The following SPG11 variants were observed in gnomAD, a reference collection of about 807,000 sequenced individuals.
The protein encoded by SPG11 is SPG11 vesicle trafficking associated, spatacsin, also known as spatacsin.
A neutral mutation model predicts 274.0 loss-of-function variants in SPG11; 222 were observed. The observed-to-expected ratio is 0.81, with a 90% confidence interval of 0.73 to 0.91. The LOEUF is 0.91. Among genes scored for constraint, SPG11 ranks in the 40% least tolerant of loss-of-function variants. SPG11 has a pLI of 0.00. For synonymous variants in SPG11, 1,144 were observed against 1,039.7 expected (o/e 1.10, Z -1.93); for missense variants, 3,114 against 2,872.7 (o/e 1.08, Z -1.92).
At chr15:44,602,556 G>C (rs1416766858) in intron 20 of SPG11, among the ~76,000 whole-genome samples, 3 of 151,032 alleles carry the variant, frequency 2.0e-5, no homozygotes, top group African/African-American at 7.3e-5. Context: ...TTGGCTCACT[G>C]CAAGTTCCGC....
chr15:44,662,737 A>G (rs1282083023), intron 1 of SPG11, among the ~76,000 whole-genome samples: 1 of 152,030 alleles, frequency 6.6e-6, no homozygotes, highest in Non-Finnish European at 1.5e-5. Context: ...ACTCTTAAGT[A>G]CTGAACCAAG....
At chr15:44,627,224 C>T (rs1384717568) in intron 10 of SPG11, among the ~76,000 whole-genome samples, 1 of 152,148 alleles carries the variant, frequency 6.6e-6, no homozygotes, top group Non-Finnish European at 1.5e-5. Context: ...GATATTGAGG[C>T]ATTAGAAGGC....
chr15:44,582,126 T>C (rs948290154), intron 30 of SPG11, among the ~76,000 whole-genome samples: 1 of 152,216 alleles, frequency 6.6e-6, no homozygotes, highest in Non-Finnish European at 1.5e-5. Context: ...ATAGTTTTAC[T>C]GGTAAATTCT....
At chr15:44,567,150 G>C (rs1225687853) in intron 36 of SPG11, among the ~76,000 whole-genome samples, 1 of 152,020 alleles carries the variant, frequency 6.6e-6, no homozygotes, top group African/African-American at 2.4e-5. Context: ...AGGAGTTCAA[G>C]ACCAGCCTGG....
intron 11 of SPG11, among the ~76,000 whole-genome samples, chr15:44,623,551 G>A (rs1227938437): frequency 6.6e-6 from 1 of 151,906 alleles, no homozygotes; most frequent in African/African-American, 2.4e-5. Context: ...CTTCTCATAT[G>A]AAGTAAAACC....
At chr15:44,634,576 G>A (rs890582464) in intron 7 of SPG11, among the ~76,000 whole-genome samples, 4 of 149,868 alleles carry the variant, frequency 2.7e-5, no homozygotes, top group Non-Finnish European at 5.9e-5. Context: ...GAGCCACTGC[G>A]CCCAGCCAGA....
In SPG11 at chr15:44,629,391, G is replaced by A. The variant is rs1260663536; in HGVS notation, c.1736-3C>T. On this transcript the variant is annotated splice_region_variant and splice_polypyrimidine_tract_variant and intron_variant, in intron 8 of 39. Coordinates refer to ENST00000261866, the MANE Select transcript of SPG11 (RefSeq NM_025137.4). ...TGCTGGTATCAGCTCTTCCACATCT[G>A]AGAAAGAACCAAAGAAATTAACATA... The A allele has an allele frequency of 1.9e-6, 3 of 1,613,828 alleles. No individual in the cohort carries two copies. The highest frequency in any genetic ancestry group is 2.5e-6 in the Non-Finnish European group (3 of 1,179,936).
chr15:44,661,057 C>T (rs1945099894), intron 1 of SPG11, among the ~76,000 whole-genome samples: 1 of 152,110 alleles, frequency 6.6e-6, no homozygotes, highest in African/African-American at 2.4e-5. Flanking sequence ...TATAGACTGA[C>T]GATTCCAAAT....
At chr15:44,638,444 G>C (rs2084342726) in intron 7 of SPG11, among the ~76,000 whole-genome samples, 1 of 150,796 alleles carries the variant, frequency 6.6e-6, no homozygotes, top group Non-Finnish European at 1.5e-5. Context: ...CTGGGCGACA[G>C]AGCAAGACTC....
intron 28 of SPG11, among the ~76,000 whole-genome samples, 171 bp from the exon 29 acceptor site, chr15:44,586,021 G>A (rs1171409098): frequency 8.6e-6 from 1 of 116,084 alleles, no homozygotes; most frequent in African/African-American, 3.5e-5. Context: ...GAGTCTCACT[G>A]TCACCTAGGC....
rs61732733 is a variant in SPG11 at position 44,563,256 on chromosome 15, C to T, written c.7197G>A (p.Lys2399=). 0.013 allele frequency: 20,517 copies of T among 1,613,934 alleles called. 192 individuals carry two copies. Among genetic ancestry groups the T allele is most frequent in the Non-Finnish European group, 0.017 (19,497 of 1,179,806 alleles). Residue 2399 remains lysine (K), a synonymous_variant, in exon 40 of 40, where the codon AAG becomes AAA. Transcript: ENST00000261866. ...CATCTTCACAATATGTGAGTAATTT[C>T]TTCAGGTTTTCCATGACCATGTCAG... ...QPTDMVMENL[K]KLLTYCEDVY...
chr15:44,611,808 T>C (rs1017848810), intron 17 of SPG11, among the ~76,000 whole-genome samples: 4 of 55,322 alleles, frequency 7.2e-5, no homozygotes, highest in African/African-American at 3.0e-4. Flanking sequence ...ATGGTCACTG[T>C]CTTTTTTTTT....
Position 44,600,551 on chromosome 15 carries a change from T to C in SPG11, c.3602A>G (p.Tyr1201Cys). ...TGATGGCCGCCCATTATGTAAATAA[T>C]AAGCAAAATTCAGACGTTCCACTAT... ...YAIVERLNFA[Y>C]YLHNGRPSFA... is the part of the protein sequence containing the mutation. Residue 1201 changes from tyrosine to cysteine, a missense_variant, in exon 21 of 40, where the codon TAT (tyrosine) becomes TGT (cysteine). Transcript: ENST00000261866. 5 of 1,614,172 alleles carry C rather than the reference T, an allele frequency of 3.1e-6. No individual in the cohort carries two copies. Among genetic ancestry groups the C allele is most frequent in the Non-Finnish European group, 4.2e-6 (5 of 1,180,016 alleles).
intron 20 of SPG11, among the ~76,000 whole-genome samples, chr15:44,605,078 G>T (rs1249209735): frequency 2.0e-5 from 3 of 151,826 alleles, no homozygotes; most frequent in Non-Finnish European, 4.4e-5. Context: ...TACTCTACCT[G>T]GCAGAGTGCT....
At chr15:44,653,332 T>C (rs756699803) in intron 4 of SPG11, among the ~76,000 whole-genome samples, 2 of 152,172 alleles carry the variant, frequency 1.3e-5, no homozygotes, top group Admixed American at 6.6e-5. Flanking sequence ...TGAAGGTAAT[T>C]TGTTGACACA....
chr15:44,571,635 C>A (rs2082428112), intron 33 of SPG11, among the ~76,000 whole-genome samples: 1 of 151,564 alleles, frequency 6.6e-6, no homozygotes, highest in African/African-American at 2.4e-5. Context: ...GTAGCTGGGA[C>A]TACAGGCACC....
chr15:44,606,114 CAG>C (rs1567157555), intron 19 of SPG11, 23 bp from the exon 20 acceptor site: 1 of 1,609,282 alleles, frequency 6.2e-7, no homozygotes, highest in Non-Finnish European at 8.5e-7. Flanking sequence ...AAAAGTTAAA[CAG>C]AATTAGAAGT....
rs2084804985 is a variant in SPG11, at chr15:44,652,248, T to C, written c.888A>G (p.Leu296=). The change falls in exon 5 of 40, where the codon CTA becomes CTG. Residue 296 remains leucine (L), a synonymous_variant. Transcript: ENST00000261866. The part of the protein sequence containing the change: ...NLYFRQHPGH[L]LCERILEDLP... ...GATCTTCTAGTATTCTTTCACACAGTAGGTGTCCTGGGTGTTGCCTACATT... is the reference window on the plus strand; with the variant it reads ...GATCTTCTAGTATTCTTTCACACAGCAGGTGTCCTGGGTGTTGCCTACATT... The C allele has an allele frequency of 1.2e-5, 19 of 1,614,094 alleles. No homozygotes were observed. Among genetic ancestry groups the C allele is most frequent in the Non-Finnish European group, 1.5e-5 (18 of 1,180,002 alleles).
In SPG11 at chr15:44,563,263, T is replaced by G; in HGVS notation, c.7190A>C (p.Asn2397Thr). The part of the protein sequence containing the change: ...QHQPTDMVME[N>T]LKKLLTYCED... ...ACAATATGTGAGTAATTTCTTCAGG[T>G]TTTCCATGACCATGTCAGTAGGCTG... is the stretch of plus-strand genomic sequence containing the variant. The change falls in exon 40 of 40, where the codon AAC becomes ACC. Residue 2397 changes from asparagine to threonine, a missense_variant. By Grantham distance (65) the Asn-to-Thr change is moderately conservative. Coordinates refer to ENST00000261866, the MANE Select transcript of SPG11 (RefSeq NM_025137.4). 4 of 1,614,020 alleles carry G rather than the reference T, an allele frequency of 2.5e-6. No homozygotes were observed. The highest frequency in any genetic ancestry group is 3.4e-6 in the Non-Finnish European group (4 of 1,179,890).
Sources: gnomAD v4.1 joint callset for allele counts (sites outside exome capture counted in the v4.1 genomes callset) on GRCh38, gnomAD v4.1.1 for gene constraint, MANE v1.5 for transcripts, NCBI Gene and HGNC (gene_info 2026-07-23, HGNC 2026-07-21) for gene names.